The following DAB1 variants were observed in gnomAD, a reference collection of about 807,000 sequenced individuals.
DAB1 encodes disabled homolog 1.
A neutral mutation model predicts 64.6 loss-of-function variants in DAB1; 15 were observed. The ratio of observed to expected loss-of-function variants is 0.23; its 90% CI spans 0.16 to 0.36. The LOEUF (loss-of-function observed/expected upper bound fraction) is 0.36. Ranked by LOEUF, DAB1 falls within the 10% of genes least tolerant of loss-of-function variation. The pLI, the probability that DAB1 is intolerant of heterozygous loss-of-function variation, is 1.00. For missense variants in DAB1, 596 were observed against 706.7 expected, an observed-to-expected ratio of 0.84 and a Z score of 1.78; for synonymous variants, 235 against 251.9, an observed-to-expected ratio of 0.93 and a Z score of 0.64.
chr1:57,962,575 C>T (rs777777931), intron 5 of DAB1, among the ~76,000 whole-genome samples: 86 of 152,234 alleles, frequency 5.6e-4, no homozygotes, highest in Non-Finnish European at 1.2e-3. Flanking sequence ...AATACATTTA[C>T]GAATCCCAGG....
At chr1:58,149,041 A>C (rs980888015) in intron 5 of DAB1, among the ~76,000 whole-genome samples, 4 of 152,144 alleles carry the variant, frequency 2.6e-5, no homozygotes, top group African/African-American at 9.7e-5. Flanking sequence ...TCATGTCCAC[A>C]AACAGTTCTC....
At chr1:57,319,115 T>C (rs896997715) in intron 1 of DAB1, among the ~76,000 whole-genome samples, 2 of 152,184 alleles carry the variant, frequency 1.3e-5, no homozygotes, top group Admixed American at 6.5e-5. Flanking sequence ...TGAACCACCT[T>C]GTCTTTTTAG....
intron 4 of DAB1, among the ~76,000 whole-genome samples, chr1:58,170,251 A>T (rs1364665182): frequency 6.6e-6 from 1 of 152,192 alleles, no homozygotes; most frequent in African/African-American, 2.4e-5. Flanking sequence ...AGAAGGACTA[A>T]GGAGAATTAG....
chr1:58,488,370 C>G (rs1645613289), intron 3 of DAB1, among the ~76,000 whole-genome samples: 1 of 152,036 alleles, frequency 6.6e-6, no homozygotes, highest in Non-Finnish European at 1.5e-5. Flanking sequence ...AGGCAGTGTT[C>G]AGTTACGTGA....
intron 5 of DAB1, among the ~76,000 whole-genome samples, chr1:57,934,943 T>G (rs1570024580): frequency 6.6e-6 from 1 of 152,190 alleles, no homozygotes; most frequent in Non-Finnish European, 1.5e-5. Flanking sequence ...TGGGAAGCAA[T>G]GAGTCTGTCT....
intron 6 of DAB1, among the ~76,000 whole-genome samples, chr1:57,658,858 G>T (rs746719202): frequency 1.3e-5 from 2 of 152,110 alleles, no homozygotes; most frequent in African/African-American, 4.8e-5. Context: ...GTGCCCCTGC[G>T]CCCAGCCTCT....
chr1:58,450,374 G>A (rs775503106), intron 3 of DAB1, among the ~76,000 whole-genome samples: 2 of 152,218 alleles, frequency 1.3e-5, no homozygotes, highest in Non-Finnish European at 2.9e-5. Flanking sequence ...GGTCTGAGGA[G>A]TGGCTTCCCA....
chr1:57,396,046 C>T (rs1682778881), intron 1 of DAB1, among the ~76,000 whole-genome samples: 1 of 152,144 alleles, frequency 6.6e-6, no homozygotes, highest in Non-Finnish European at 1.5e-5. Context: ...GGCTAGACCA[C>T]CCAAAGTATT....
chr1:57,318,762 G>A (rs529554498), intron 1 of DAB1, among the ~76,000 whole-genome samples: 21 of 147,698 alleles, frequency 1.4e-4, no homozygotes, highest in South Asian at 1.1e-3. Context: ...AAATTTCATC[G>A]GATTCCTCAG....
At chr1:57,086,872 G>C (rs568085258) in intron 4 of DAB1, among the ~76,000 whole-genome samples, 1 of 152,328 alleles carries the variant, frequency 6.6e-6, no homozygotes, top group East Asian at 1.9e-4. Context: ...ACGTGTGTCA[G>C]TGTTGAATGG....
intron 1 of DAB1, among the ~76,000 whole-genome samples, chr1:57,404,850 A>C (rs1250534637): frequency 1.3e-5 from 2 of 152,216 alleles, no homozygotes; most frequent in African/African-American, 2.4e-5. Flanking sequence ...AGACACACAC[A>C]TTCAAAAGAT....
intron 1 of DAB1, among the ~76,000 whole-genome samples, chr1:57,389,205 C>T (rs537399757): frequency 3.0e-4 from 46 of 152,294 alleles, no homozygotes; most frequent in African/African-American, 8.7e-4. Flanking sequence ...ACATCCTTGA[C>T]TTATTTCTTG....
intron 1 of DAB1, among the ~76,000 whole-genome samples, chr1:57,419,294 G>A (rs920974271): frequency 6.6e-6 from 1 of 152,132 alleles, no homozygotes. Context: ...GTAAAGTTAC[G>A]TATCTCTGCA....
In DAB1 at chr1:58,155,036, A is replaced by G. The variant is rs1017941127; in HGVS notation, n.310-4448T>C. Among the ~76,000 whole-genome samples, 3 of 152,276 alleles carry G rather than the reference A, an allele frequency of 2.0e-5. No individual in the cohort carries two copies. The South Asian group carries it at 6.2e-4, about 32-fold the overall frequency. ...GTGGTGGTGTTAAAATCAGATCTCC[A>G]AAAAAGGGCACTACTCAGCCAAGGG... On this transcript the variant is annotated intron_variant and non_coding_transcript_variant, in intron 4 of 20. Coordinates refer to the DAB1 transcript ENST00000485760.
At chr1:57,793,792 G>A (rs1032728734) in intron 6 of DAB1, among the ~76,000 whole-genome samples, 1 of 152,140 alleles carries the variant, frequency 6.6e-6, no homozygotes, top group African/African-American at 2.4e-5. Context: ...TGAGATAATT[G>A]TTGTAAATCA....
chr1:57,915,099 TAA>T (rs959299085), intron 5 of DAB1, among the ~76,000 whole-genome samples: 1 of 129,702 alleles, frequency 7.7e-6, no homozygotes, highest in Non-Finnish European at 1.6e-5. Context: ...TGTAGGAAGG[TAA>T]AGAGACAAAC....
chr1:57,355,656 C>G (rs1381352917), intron 1 of DAB1, among the ~76,000 whole-genome samples: 1 of 151,830 alleles, frequency 6.6e-6, no homozygotes, highest in Non-Finnish European at 1.5e-5. Context: ...GGCAAAAGAT[C>G]GTGGTATTTC....
intron 6 of DAB1, among the ~76,000 whole-genome samples, chr1:57,765,913 G>C (rs1013021762): frequency 2.0e-5 from 3 of 152,114 alleles, no homozygotes; most frequent in African/African-American, 7.2e-5. Flanking sequence ...TTACAGGCGT[G>C]AGCCACTATG....
At chr1:57,800,213 A>G (rs1271996238) in intron 6 of DAB1, among the ~76,000 whole-genome samples, 1 of 152,176 alleles carries the variant, frequency 6.6e-6, no homozygotes, top group Admixed American at 6.5e-5. Flanking sequence ...ATCACTATGC[A>G]TACTGCTTTC....
Sources: gnomAD v4.1 joint callset for allele counts (sites outside exome capture counted in the v4.1 genomes callset) on GRCh38, gnomAD v4.1.1 for gene constraint, MANE v1.5 for transcripts, NCBI Gene and HGNC (gene_info 2026-07-23, HGNC 2026-07-21) for gene names.